The following ATP6V0A4 variants were observed in gnomAD, a reference collection of about 807,000 sequenced individuals.
ATP6V0A4 encodes the protein V-type proton ATPase 116 kDa subunit a 4.
In ATP6V0A4, 86 loss-of-function variants were observed where a neutral mutation model predicts 107.3. That is an observed-to-expected ratio of 0.80 (90% CI 0.67 to 0.96). The LOEUF (loss-of-function observed/expected upper bound fraction) is 0.96, where lower values mean the gene tolerates loss of function less well. ATP6V0A4 is among the 40% of genes least tolerant of loss of function. The pLI is 0.00. For synonymous variants in ATP6V0A4, 353 were observed against 381.4 expected, an observed-to-expected ratio of 0.93 and a Z score of 0.87; for missense variants, 908 against 1,045.6, an observed-to-expected ratio of 0.87 and a Z score of 1.81.
Position 138,771,210 on chromosome 7 carries a change from G to GACAA in ATP6V0A4, c.34_37dup (p.Ser13PhefsTer17). ...AGCTTCCACCTGGAGAAACAGTTGTGACAAACACATCTCCTCGCTTCGAAA... is the reference window on the plus strand; with the variant it reads ...AGCTTCCACCTGGAGAAACAGTTGTGACAAACAAACACATCTCCTCGCTTCGAAA... On this transcript the variant is annotated frameshift_variant, in exon 3 of 22. Coordinates refer to ENST00000310018, the MANE Select transcript of ATP6V0A4 (RefSeq NM_020632.3). LOFTEE classifies it high-confidence loss of function. 6.2e-7 allele frequency: 1 copy of GACAA among 1,614,066 alleles called. No individual in the cohort carries two copies. Among genetic ancestry groups the GACAA allele is most frequent in the Non-Finnish European group, 8.5e-7 (1 of 1,179,992 alleles).
intron 18 of ATP6V0A4, 124 bp from the exon 19 acceptor site, chr7:138,722,149 A>T: frequency 6.8e-7 from 1 of 1,479,626 alleles, no homozygotes; most frequent in Non-Finnish European, 9.1e-7. Flanking sequence ...TAAACACTAC[A>T]CTATCTCATT....
chr7:138,716,110 C>G (rs929134045), intron 19 of ATP6V0A4, among the ~76,000 whole-genome samples: 2 of 152,142 alleles, frequency 1.3e-5, no homozygotes. Flanking sequence ...TCAAAGATGA[C>G]AAATGGGTGG....
chr7:138,719,759 C>A (rs537475539), intron 19 of ATP6V0A4, among the ~76,000 whole-genome samples: 1 of 152,312 alleles, frequency 6.6e-6, no homozygotes, highest in South Asian at 2.1e-4. Context: ...GTGGCTCACG[C>A]CTGTAATCTC....
chr7:138,784,656 A>G (rs1164198050), intron 2 of ATP6V0A4, among the ~76,000 whole-genome samples: 2 of 152,204 alleles, frequency 1.3e-5, no homozygotes, highest in East Asian at 3.9e-4. Context: ...AGTCAACTCA[A>G]AACTTTGAAG....
rs1397440665 is a variant in ATP6V0A4 at position 138,706,790 on chromosome 7, G to A, written c.2430-73C>T. The A allele has an allele frequency of 4.4e-6, 7 of 1,596,958 alleles. No individual in the cohort carries two copies. The Admixed American group carries it at 5.1e-5, about 12-fold the overall frequency. ...CATCAGTTAGAGGCTGGAAGGTGGAGGGAAGGAGGAAGCAGAGCGTTCGTA... is the reference window on the plus strand; with the variant it reads ...CATCAGTTAGAGGCTGGAAGGTGGAAGGAAGGAGGAAGCAGAGCGTTCGTA... On this transcript the variant is annotated intron_variant, in intron 21 of 21. Coordinates refer to ENST00000310018, the MANE Select transcript of ATP6V0A4 (RefSeq NM_020632.3).
chr7:138,785,797 G>A (rs878874435), intron 2 of ATP6V0A4, among the ~76,000 whole-genome samples: 1 of 152,090 alleles, frequency 6.6e-6, no homozygotes, highest in Non-Finnish European at 1.5e-5. Context: ...TTCATTGATA[G>A]TAAGGTCCAA....
intron 9 of ATP6V0A4, 193 bp from the exon 10 acceptor site, chr7:138,755,975 G>A: frequency 1.0e-6 from 1 of 979,726 alleles, no homozygotes; most frequent in Non-Finnish European, 1.5e-6. Flanking sequence ...GCTGTGAATT[G>A]AGGCTGCAGT....
intron 8 of ATP6V0A4, among the ~76,000 whole-genome samples, chr7:138,759,052 A>ATT (rs33940158): frequency 0.33 from 18,197 of 54,598 alleles, 4,210 homozygotes; most frequent in Admixed American, 0.41. Flanking sequence ...TGCCCAGCCT[A>ATT]TTTTTTTTTT....
chr7:138,792,762 GTTTGTTTTTTTTTTTGTTGT>G (rs1563025223), intron 1 of ATP6V0A4, among the ~76,000 whole-genome samples: 2 of 73,778 alleles, frequency 2.7e-5, no homozygotes, highest in South Asian at 9.9e-4. Flanking sequence ...CCAAACTCAG[GTTTGTTTTTTTTTTTGTTGT>G]TTTGTTTTTT....
Position 138,706,728 on chromosome 7 carries a change from G to C in ATP6V0A4, c.2430-11C>G, listed in dbSNP as rs922397757. The C allele has an allele frequency of 2.5e-6, 4 of 1,613,010 alleles. No individual in the cohort carries two copies. The highest frequency in any genetic ancestry group is 3.4e-6 in the Non-Finnish European group (4 of 1,179,646). On this transcript the variant is annotated splice_polypyrimidine_tract_variant and intron_variant, in intron 21 of 21. Coordinates refer to ENST00000310018, the MANE Select transcript of ATP6V0A4 (RefSeq NM_020632.3). ...TTCTGGAACTCAACCCTGTTGTTGA[G>C]GGGAGGCCGTGGGGTAAGAAATGGG...
intron 1 of ATP6V0A4, among the ~76,000 whole-genome samples, chr7:138,789,226 T>TG (rs368212954): frequency 3.3e-5 from 5 of 149,342 alleles, no homozygotes; most frequent in African/African-American, 1.0e-4. Context: ...TGGGGGGTTT[T>TG]TTTTTGTTGT....
Position 138,726,403 on chromosome 7 carries a change from G to T in ATP6V0A4, c.2010+2358C>A, listed in dbSNP as rs540128699. 2.6e-5 allele frequency among the ~76,000 whole-genome samples: 4 copies of T among 152,338 alleles called. No homozygotes were observed. In the East Asian group the frequency reaches 7.7e-4, roughly 29 times the overall value. ...AGGGGAAACAGAACGTGGGGGGCCT[G>T]GTGGCTGGCCACAAGGGCTCTCGGA... is the stretch of plus-strand genomic sequence containing the variant. On this transcript the variant is annotated intron_variant, in intron 18 of 21. Transcript: ENST00000310018.
At position 138,715,092 on chromosome 7, in the gene ATP6V0A4, G is replaced by A. The variant is rs142151833; in HGVS notation, c.2257+672C>T. 1.0e-3 allele frequency among the ~76,000 whole-genome samples: 152 copies of A among 152,320 alleles called. 1 individual carries two copies. Among genetic ancestry groups the A allele is most frequent in the African/African-American group, 3.4e-3 (143 of 41,580 alleles). ...CAGCCTCAAGAGGCTGGAAAGGCCA[G>A]GAAACAAATTCTACCTGCAGCCTGC... On this transcript the variant is annotated intron_variant, in intron 20 of 21. Transcript: ENST00000310018.
At chr7:138,743,394 G>T (rs2117266268) in intron 14 of ATP6V0A4, among the ~76,000 whole-genome samples, 1 of 149,082 alleles carries the variant, frequency 6.7e-6, no homozygotes, top group Non-Finnish European at 1.5e-5. Context: ...GGAGGTGGAG[G>T]TTGCAGTGAG....
At chr7:138,770,685 A>G (rs990485024) in intron 3 of ATP6V0A4, among the ~76,000 whole-genome samples, 1 of 152,212 alleles carries the variant, frequency 6.6e-6, no homozygotes, top group Non-Finnish European at 1.5e-5. Flanking sequence ...ACTCTAGAAT[A>G]TCACTCTGGA....
rs182053414 is a variant in ATP6V0A4, at chr7:138,737,168, T to G, written c.1572+2372A>C. On this transcript the variant is annotated intron_variant, in intron 15 of 21. Transcript: ENST00000310018. ...AGGCACAGACATTGATATGGTTTGG[T>G]TGTGTCCCACCCAAATTTCATCTTG... Among the ~76,000 whole-genome samples, 80 of 134,224 alleles carry G rather than the reference T, an allele frequency of 6.0e-4. 1 individual carries two copies. The highest frequency in any genetic ancestry group is 2.2e-3 in the African/African-American group (77 of 34,832). The allele number at this position is 134,224 out of a possible 152,430, so 88.1% of individuals were successfully genotyped here. A position where few individuals can be genotyped will look rare whatever the true frequency, so the allele number is the denominator to read the frequency against.
chr7:138,726,817 G>C (rs1411980353), intron 18 of ATP6V0A4, among the ~76,000 whole-genome samples: 1 of 152,116 alleles, frequency 6.6e-6, no homozygotes, highest in East Asian at 1.9e-4. Context: ...GTCAGTTTCA[G>C]AGCTATCATC....
In ATP6V0A4 at chr7:138,729,000, A is replaced by C. The variant is rs150810994; in HGVS notation, c.1909-138T>G. The C allele has an allele frequency of 1.7e-4, 259 of 1,522,808 alleles. 2 individuals are homozygous for C. The African/African-American group carries it at 3.0e-3, about 18-fold the overall frequency. 94.3% of individuals were successfully genotyped at this position (1,522,808 alleles called of 1,614,324 possible). On this transcript the variant is annotated intron_variant, in intron 17 of 21. Coordinates refer to ENST00000310018, the MANE Select transcript of ATP6V0A4 (RefSeq NM_020632.3). ...CTAAAGCATTTCAATGAATCCATTC[A>C]CCTTCACGCCTGGAATATTCCCCTT...
In ATP6V0A4 at chr7:138,762,335, C is replaced by T; in HGVS notation, c.512+5G>A. On this transcript the variant is annotated splice_donor_5th_base_variant and intron_variant, in intron 7 of 21. Coordinates refer to ENST00000310018, the MANE Select transcript of ATP6V0A4 (RefSeq NM_020632.3). ...GACCCATCTACACACAAGAATTACA[C>T]TAACCCCAACTTTCCGGTCATATAT... 1 of 1,614,190 alleles carries T rather than the reference C, an allele frequency of 6.2e-7. No individual in the cohort carries two copies. The highest frequency in any genetic ancestry group is 1.1e-5 in the South Asian group (1 of 91,086).
Sources: allele counts gnomAD v4.1 joint callset (sites outside exome capture counted in the v4.1 genomes callset), GRCh38; gene constraint gnomAD v4.1.1; transcripts MANE v1.5; gene names NCBI Gene and HGNC (gene_info 2026-07-23, HGNC 2026-07-21).